The following C4orf50 variants were observed in gnomAD, a reference collection of about 807,000 sequenced individuals.
The protein encoded by C4orf50 is uncharacterized protein C4orf50.
In C4orf50, 80 loss-of-function variants were observed where a neutral mutation model predicts 77.2. The observed-to-expected ratio is 1.04, with a 90% confidence interval of 0.87 to 1.25. The LOEUF (loss-of-function observed/expected upper bound fraction) is 1.25. C4orf50 is among the 50% of genes most tolerant of loss of function. C4orf50 has a pLI of 0.00. For missense variants in C4orf50, 1,257 were observed against 1,152.9 expected, an observed-to-expected ratio of 1.09 and a Z score of -1.31; for synonymous variants, 532 against 465.3, an observed-to-expected ratio of 1.14 and a Z score of -1.84.
rs1719820811 is a variant in C4orf50 at position 5,970,113 on chromosome 4, T to G, written c.4105-2651A>C. On this transcript the variant is annotated intron_variant, in intron 31 of 33. Coordinates refer to ENST00000531445, the Ensembl canonical transcript of C4orf50. The surrounding 1 kb of genome is among the most constrained non-coding windows in gnomAD (Gnocchi z 4.3). ...GCAAAGGTGTCTCATTTCATGCTTG[T>G]GAATATCAACAGCGTAGGTCCAGGC... Among the ~76,000 whole-genome samples the G allele has an allele frequency of 6.8e-6, 1 of 147,802 alleles. No individual in the cohort carries two copies.
At chr4:6,014,603 A>G (rs777140630) in intron 23 of C4orf50, among the ~76,000 whole-genome samples, 66 of 152,332 alleles carry the variant, frequency 4.3e-4, no homozygotes, top group African/African-American at 1.4e-3. Context: ...AACACATTGC[A>G]ACATTCACCT....
rs1722653639 is a variant in C4orf50 at position 6,015,592 on chromosome 4, T to C, written c.287+2553A>G. On this transcript the variant is annotated intron_variant, in intron 23 of 33. Transcript: ENST00000531445. This position sits in a 1 kb window ranked among gnomAD's most constrained non-coding sequence, Gnocchi z 4.4. ...ATTCTCCCCATGTCTGTGTGGGCTT[T>C]CTCGGGGTACCCTGGTCTCCTCCTG... Among the ~76,000 whole-genome samples, 1 of 152,152 alleles carries C rather than the reference T, an allele frequency of 6.6e-6. No homozygotes were observed. Among genetic ancestry groups the C allele is most frequent in the African/African-American group, 2.4e-5 (1 of 41,438 alleles).
intron 23 of C4orf50, among the ~76,000 whole-genome samples, chr4:6,014,317 G>A (rs1244092521): frequency 6.6e-6 from 1 of 152,124 alleles, no homozygotes; most frequent in Non-Finnish European, 1.5e-5. Context: ...TGTTTTAAGG[G>A]TTAATTATGT....
At chr4:5,996,340 T>C (rs895076830) in intron 25 of C4orf50, among the ~76,000 whole-genome samples, 6 of 152,114 alleles carry the variant, frequency 3.9e-5, no homozygotes, top group African/African-American at 9.7e-5. Flanking sequence ...CCCCCAGCGA[T>C]GGCACTAAAA....
In C4orf50 at chr4:5,965,011, G is replaced by A. The variant is rs1719487331; in HGVS notation, c.4275+13C>T. On this transcript the variant is annotated intron_variant, in intron 33 of 33. Coordinates refer to ENST00000531445, the Ensembl canonical transcript of C4orf50. Reference sequence around the variant, plus strand: ...AGTTCATTTAGGAAATGAGGTGACAGGTGCCTTCTCACCTTCAGAGAATCC... The same window carrying A: ...AGTTCATTTAGGAAATGAGGTGACAAGTGCCTTCTCACCTTCAGAGAATCC... 1 of 1,606,826 alleles carries A rather than the reference G, an allele frequency of 6.2e-7. No individual in the cohort carries two copies. The highest frequency in any genetic ancestry group is 1.3e-5 in the African/African-American group (1 of 74,606).
At position 5,985,870 on chromosome 4, in the gene C4orf50, G is replaced by T. The variant is rs148101905; in HGVS notation, c.3699+2477C>A. ...AGTAGTCTCAGCTACTTGGGAGGTTGAGGCAGGAGAATCACTTGAACCCAG... is the reference window on the plus strand; with the variant it reads ...AGTAGTCTCAGCTACTTGGGAGGTTTAGGCAGGAGAATCACTTGAACCCAG... On this transcript the variant is annotated intron_variant, in intron 28 of 33. Coordinates refer to ENST00000531445, the Ensembl canonical transcript of C4orf50. 5.1e-3 allele frequency among the ~76,000 whole-genome samples: 784 copies of T among 152,282 alleles called. 8 individuals are homozygous for T. The highest frequency in any genetic ancestry group is 0.018 in the African/African-American group (741 of 41,548).
intron 27 of C4orf50, among the ~76,000 whole-genome samples, chr4:5,991,631 G>C (rs4642177): frequency 0.65 from 98,982 of 152,080 alleles, 33,038 homozygotes; most frequent in East Asian, 0.84. Flanking sequence ...CTGTGAGTCC[G>C]CAGGGGCTCC....
intron 7 of C4orf50, among the ~76,000 whole-genome samples, chr4:5,946,722 G>A (rs761649536): frequency 7.9e-5 from 12 of 152,208 alleles, no homozygotes; most frequent in South Asian, 2.1e-4. Context: ...TAGATTGTGC[G>A]GTCTGGCTCC....
At position 5,916,467 on chromosome 4, in the gene C4orf50, A is replaced by G. The variant is rs1322000893; in HGVS notation, c.*2475-18279T>C. Reference sequence around the variant, plus strand: ...ACTGGGTTGTTTTCCCTCACATCGCAGCCCACTCCCTTCTTCCCCAGGACA... The same window carrying G: ...ACTGGGTTGTTTTCCCTCACATCGCGGCCCACTCCCTTCTTCCCCAGGACA... On this transcript the variant is annotated intron_variant, in intron 7 of 7. Transcript: ENST00000324058. The surrounding 1 kb of genome is among the most constrained non-coding windows in gnomAD (Gnocchi z 4.4). Among the ~76,000 whole-genome samples the G allele has an allele frequency of 3.9e-5, 6 of 152,230 alleles. No homozygotes were observed. Among genetic ancestry groups the G allele is most frequent in the African/African-American group, 9.6e-5 (4 of 41,542 alleles).
At chr4:5,973,526 G>A (rs1577951611) in intron 31 of C4orf50, 133 bp downstream of exon 9, 1 of 754,410 alleles carries the variant, frequency 1.3e-6, no homozygotes, top group East Asian at 2.5e-5. Flanking sequence ...AAGCCAGGGG[G>A]TGTCTTCTTG....
chr4:5,994,900 C>T (rs1021774763), intron 25 of C4orf50, among the ~76,000 whole-genome samples: 8 of 152,280 alleles, frequency 5.3e-5, no homozygotes, highest in South Asian at 4.1e-4. Flanking sequence ...AGGTCAGCAA[C>T]GGCATTTGAT....
chr4:5,936,768 C>T (rs1718044065), intron 7 of C4orf50, among the ~76,000 whole-genome samples: 1 of 151,802 alleles, frequency 6.6e-6, no homozygotes, highest in Admixed American at 6.6e-5. Context: ...TTCTCAGATT[C>T]AGAAATCATG....
At position 5,968,382 on chromosome 4, in the gene C4orf50, A is replaced by G. The variant is rs112960447; in HGVS notation, c.4105-920T>C. ...CCTGGATTGACTGGTGGAGGGCTTA[A>G]TACTCTGCGGCATGGGTTATGGCTC... On this transcript the variant is annotated intron_variant, in intron 31 of 33. Coordinates refer to ENST00000531445, the Ensembl canonical transcript of C4orf50. Among the ~76,000 whole-genome samples the G allele has an allele frequency of 3.0e-3, 456 of 152,234 alleles. 2 individuals carry two copies. Among genetic ancestry groups the G allele is most frequent in the African/African-American group, 0.01 (429 of 41,530 alleles).
intron 26 of C4orf50, among the ~76,000 whole-genome samples, chr4:5,993,376 G>A (rs142682729): frequency 6.6e-6 from 1 of 152,226 alleles, no homozygotes; most frequent in Admixed American, 6.5e-5. Context: ...CAGCACCACT[G>A]TGCTACACAT....
At chr4:5,954,107 C>T (rs13114438), downstream of C4orf50, among the ~76,000 whole-genome samples, 34,674 of 152,200 alleles carry the variant, frequency 0.23, 4,898 homozygotes, top group Admixed American at 0.37. This position sits in a 1 kb window ranked among gnomAD's most constrained non-coding sequence, Gnocchi z 4.7. Flanking sequence ...CTGGCTCTGC[C>T]TCCCTGGCTC....
chr4:5,973,377 A>G (rs1020391354), intron 31 of C4orf50, among the ~76,000 whole-genome samples: 5 of 152,238 alleles, frequency 3.3e-5, no homozygotes, highest in Admixed American at 3.3e-4. Flanking sequence ...ACACACACCC[A>G]ATGAAGCTTG....
Position 6,008,169 on chromosome 4 carries a change from G to A in C4orf50, c.790C>T (p.His264Tyr). ...CGGAGCTGGCGCTCGGTGGCCCGGT[G>A]CTCCTGCAGGCTGCGCGCCGCCTCT... is the stretch of plus-strand genomic sequence containing the variant. Residue 264 changes from histidine to tyrosine, a missense_variant, in exon 25 of 34, where the codon CAC (histidine) becomes TAC (tyrosine). Coordinates refer to ENST00000531445, the Ensembl canonical transcript of C4orf50. This position sits in a 1 kb window ranked among gnomAD's most constrained non-coding sequence, Gnocchi z 6.0. The A allele has an allele frequency of 2.5e-6, 1 of 398,630 alleles. No individual in the cohort carries two copies. The highest frequency in any genetic ancestry group is 4.4e-6 in the Non-Finnish European group (1 of 225,878). The allele number at this position is 398,630 out of a possible 1,614,324, so 24.7% of individuals were successfully genotyped here.
At position 5,958,589 on chromosome 4, in the gene C4orf50, AC is replaced by A. The variant is rs1414879267; in HGVS notation, c.*785del. 1.3e-5 allele frequency: 2 copies of A among 152,008 alleles called. No individual in the cohort carries two copies. The highest frequency in any genetic ancestry group is 2.9e-5 in the Non-Finnish European group (2 of 68,018). 9.4% of individuals were successfully genotyped at this position (152,008 alleles called of 1,614,324 possible). A position where few individuals can be genotyped will look rare whatever the true frequency, so the allele number is the denominator to read the frequency against. On this transcript the variant is annotated 3_prime_UTR_variant, in exon 34 of 34. Coordinates refer to ENST00000531445, the Ensembl canonical transcript of C4orf50. The surrounding 1 kb of genome is among the most constrained non-coding windows in gnomAD (Gnocchi z 5.4). ...CACTTGCGTGCGTGCTGATTTACTC[AC>A]AGGAGTATCTCTCCCATTGTCCTGT...
rs1023930741 is a variant in C4orf50 at position 5,901,737 on chromosome 4, T to G, written c.*2475-3549A>C. ...CTCCATTGGCCTTGCCCAGGGACCC[T>G]GGAAATGACTGAGGGGATAACCGAA... On this transcript the variant is annotated intron_variant, in intron 7 of 7. Transcript: ENST00000324058. The surrounding 1 kb of genome is among the most constrained non-coding windows in gnomAD (Gnocchi z 4.4). 6.6e-6 allele frequency: 1 copy of G among 152,288 alleles called. No homozygotes were observed. The highest frequency in any genetic ancestry group is 2.4e-5 in the African/African-American group (1 of 41,440). The allele number at this position is 152,288 out of a possible 1,614,324, so 9.4% of individuals were successfully genotyped here. A position where few individuals can be genotyped will look rare whatever the true frequency, so the allele number is the denominator to read the frequency against.
Sources: allele counts gnomAD v4.1 joint callset (sites outside exome capture counted in the v4.1 genomes callset), GRCh38; gene constraint gnomAD v4.1.1; non-coding constraint Gnocchi (gnomAD v3.1); transcripts MANE v1.5; gene names NCBI Gene and HGNC (gene_info 2026-07-23, HGNC 2026-07-21).